The following AGBL1 variants were observed in gnomAD, a reference collection of about 807,000 sequenced individuals.
The protein encoded by AGBL1 is cytosolic carboxypeptidase 4.
A neutral mutation model predicts 118.9 loss-of-function variants in AGBL1; 130 were observed. The ratio of observed to expected loss-of-function variants is 1.09; its 90% CI spans 0.95 to 1.26. AGBL1 has a LOEUF of 1.26. Ranked by LOEUF, AGBL1 falls within the 50% of genes most tolerant of loss-of-function variation. The pLI is 0.00. For synonymous variants in AGBL1, 555 were observed against 478.9 expected (o/e 1.16, Z -2.08); for missense variants, 1,584 against 1,298.1 (o/e 1.22, Z -3.38).
chr15:86,617,760 G>GCGCACACACA (rs1190179367), intron 21 of AGBL1, among the ~76,000 whole-genome samples: 3 of 146,832 alleles, frequency 2.0e-5, no homozygotes, highest in African/African-American at 7.6e-5. Flanking sequence ...AACTTTATGC[G>GCGCACACACA]CACACACACA....
chr15:86,609,305 C>T (rs1329478280), intron 21 of AGBL1, among the ~76,000 whole-genome samples: 1 of 152,112 alleles, frequency 6.6e-6, no homozygotes, highest in Non-Finnish European at 1.5e-5. Context: ...GGAATTCAGA[C>T]CAGAAATCCT....
intron 22 of AGBL1, among the ~76,000 whole-genome samples, chr15:86,722,124 A>G (rs1039729411): frequency 1.3e-4 from 20 of 152,260 alleles, no homozygotes; most frequent in African/African-American, 4.8e-4. Flanking sequence ...TCAAGCTACC[A>G]ATGACTTTCT....
intron 17 of AGBL1, among the ~76,000 whole-genome samples, chr15:86,378,224 C>A (rs1446373344): frequency 6.6e-6 from 1 of 152,156 alleles, no homozygotes; most frequent in Non-Finnish European, 1.5e-5. Context: ...GCTGGAGTTA[C>A]CTTAATGTGC....
intron 17 of AGBL1, among the ~76,000 whole-genome samples, chr15:86,392,035 A>G (rs762872913): frequency 2.0e-5 from 3 of 152,052 alleles, no homozygotes; most frequent in African/African-American, 4.8e-5. Flanking sequence ...TGTGAAATTG[A>G]CATATGATTG....
At chr15:86,125,015 A>C (rs1898330285) in intron 1 of AGBL1, among the ~76,000 whole-genome samples, 1 of 152,200 alleles carries the variant, frequency 6.6e-6, no homozygotes, top group South Asian at 2.1e-4. Context: ...ATGGCTTTGC[A>C]GCATCTCTGA....
At chr15:86,571,221 G>T (rs2084002070) in intron 21 of AGBL1, among the ~76,000 whole-genome samples, 1 of 152,144 alleles carries the variant, frequency 6.6e-6, no homozygotes, top group African/African-American at 2.4e-5. Flanking sequence ...TGAGATCCCT[G>T]AAGGGCCACA....
At chr15:86,916,238 GA>G (rs924500871), downstream of AGBL1, 52 of 152,350 alleles carry the variant, frequency 3.4e-4, no homozygotes, top group African/African-American at 1.2e-3. Flanking sequence ...ATTGTCCTGG[GA>G]ACTGAAGCGT....
At chr15:86,881,702 T>G (rs2079893728) in intron 22 of AGBL1, among the ~76,000 whole-genome samples, 1 of 152,168 alleles carries the variant, frequency 6.6e-6, no homozygotes, top group African/African-American at 2.4e-5. Flanking sequence ...TGGGGTGCTC[T>G]CAGCTCACTG....
Position 86,257,927 on chromosome 15 carries a change from G to A in AGBL1, c.902-37G>A, listed in dbSNP as rs747150818. The stretch of plus-strand genomic sequence containing the variant: ...TAAATCCTAAATCCCGGGCAAAGGG[G>A]AAACTTCACTTATTTCACCTCTTTT... On this transcript the variant is annotated intron_variant, in intron 8 of 22. Transcript: ENST00000614907. The A allele has an allele frequency of 6.2e-6, 10 of 1,603,894 alleles. No individual in the cohort carries two copies. The East Asian group carries it at 1.6e-4, about 25-fold the overall frequency.
intron 17 of AGBL1, among the ~76,000 whole-genome samples, chr15:86,336,920 G>T (rs909840396): frequency 9.0e-4 from 137 of 152,230 alleles, no homozygotes; most frequent in African/African-American, 3.2e-3. Context: ...ACTTCTTCAT[G>T]TATTGATAGT....
At chr15:86,760,810 AT>A (rs1432417642) in intron 22 of AGBL1, among the ~76,000 whole-genome samples, 1 of 152,036 alleles carries the variant, frequency 6.6e-6, no homozygotes, top group Non-Finnish European at 1.5e-5. Context: ...TGGGAAATTA[AT>A]TGTGTCTTCC....
At chr15:86,127,865 A>T (rs2076767480) in intron 1 of AGBL1, among the ~76,000 whole-genome samples, 1 of 152,180 alleles carries the variant, frequency 6.6e-6, no homozygotes, top group South Asian at 2.1e-4. Context: ...TGGAGGGTAC[A>T]TGAGAAAAGG....
At chr15:86,399,495 G>A (rs1221315619) in intron 18 of AGBL1, among the ~76,000 whole-genome samples, 11 of 152,150 alleles carry the variant, frequency 7.2e-5, no homozygotes, top group African/African-American at 2.2e-4. Context: ...CATATGATTC[G>A]TTGGGAATTC....
intron 22 of AGBL1, among the ~76,000 whole-genome samples, chr15:86,876,812 C>T (rs1209401230): frequency 6.6e-6 from 1 of 152,120 alleles, no homozygotes; most frequent in Non-Finnish European, 1.5e-5. Flanking sequence ...TGGCTGAGCA[C>T]GTGTACTTTG....
At chr15:86,087,650 A>T (rs980951289) in intron 1 of AGBL1, among the ~76,000 whole-genome samples, 2 of 152,156 alleles carry the variant, frequency 1.3e-5, no homozygotes, top group Admixed American at 6.5e-5. Flanking sequence ...CTTTGCAACA[A>T]TCCTAAGGCA....
intron 22 of AGBL1, among the ~76,000 whole-genome samples, chr15:86,797,660 C>T (rs560392121): frequency 1.3e-5 from 2 of 151,736 alleles, no homozygotes; most frequent in Non-Finnish European, 2.9e-5. Flanking sequence ...AGAGTGTCTG[C>T]AGGAAAAAAA....
intron 22 of AGBL1, among the ~76,000 whole-genome samples, chr15:86,715,775 C>G (rs1233841016): frequency 2.0e-5 from 3 of 152,038 alleles, no homozygotes; most frequent in Non-Finnish European, 4.4e-5. Flanking sequence ...AAATATAAAT[C>G]AGGCCGGGTG....
chr15:86,387,481 T>C (rs2081214470), intron 17 of AGBL1, among the ~76,000 whole-genome samples: 1 of 152,004 alleles, frequency 6.6e-6, no homozygotes, highest in Non-Finnish European at 1.5e-5. Flanking sequence ...CTGGACCAGA[T>C]GTTAAGGAAG....
intron 23 of AGBL1, among the ~76,000 whole-genome samples, chr15:86,928,043 G>T (rs1383517522): frequency 6.6e-6 from 1 of 152,124 alleles, no homozygotes; most frequent in Non-Finnish European, 1.5e-5. Flanking sequence ...TGAGGAAATA[G>T]AAATAAATGT....
Sources: allele counts gnomAD v4.1 joint callset (sites outside exome capture counted in the v4.1 genomes callset), GRCh38; gene constraint gnomAD v4.1.1; transcripts MANE v1.5; gene names NCBI Gene and HGNC (gene_info 2026-07-23, HGNC 2026-07-21).